Variants in UNC5C observed in about 807,000 individuals in gnomAD.
UNC5C encodes netrin receptor UNC5C.
In UNC5C, 47 loss-of-function variants were observed where a neutral mutation model predicts 99.8. The ratio of observed to expected loss-of-function variants is 0.47; its 90% CI spans 0.37 to 0.60. UNC5C has a LOEUF of 0.60. Ranked by LOEUF, UNC5C falls within the 20% of genes least tolerant of loss-of-function variation. The pLI is 0.00. For synonymous variants in UNC5C, 487 were observed against 452.2 expected (o/e 1.08, Z -0.98); for missense variants, 1,062 against 1,165.9 (o/e 0.91, Z 1.30).
At chr4:95,260,366 G>T (rs1740175223) in intron 4 of UNC5C, among the ~76,000 whole-genome samples, 1 of 152,124 alleles carries the variant, frequency 6.6e-6, no homozygotes, top group South Asian at 2.1e-4. Flanking sequence ...ACAGTTCTGA[G>T]CCCATTCTCC....
At chr4:95,530,458 A>G (rs112705269) in intron 1 of UNC5C, among the ~76,000 whole-genome samples, 156 of 152,326 alleles carry the variant, frequency 1.0e-3, no homozygotes, top group African/African-American at 3.6e-3. Context: ...TTGGAAAAGA[A>G]AGAAAAATAA....
chr4:95,453,100 T>C (rs1385570274), intron 1 of UNC5C, among the ~76,000 whole-genome samples: 4 of 152,158 alleles, frequency 2.6e-5, no homozygotes, highest in Admixed American at 1.3e-4. Flanking sequence ...CCATAGGCCG[T>C]CATCTAACTA....
chr4:95,547,435 T>C (rs1268141081), intron 1 of UNC5C, among the ~76,000 whole-genome samples: 1 of 152,048 alleles, frequency 6.6e-6, no homozygotes, highest in Non-Finnish European at 1.5e-5. Context: ...GGGAATGCTG[T>C]CCGGAAACCC....
intron 1 of UNC5C, among the ~76,000 whole-genome samples, chr4:95,401,660 G>C (rs1379248948): frequency 1.3e-5 from 2 of 152,142 alleles, no homozygotes; most frequent in East Asian, 3.8e-4. Context: ...TATATGTTCA[G>C]CGCCTCTTCG....
intron 1 of UNC5C, among the ~76,000 whole-genome samples, chr4:95,489,324 C>G (rs557955568): frequency 6.6e-6 from 1 of 151,640 alleles, no homozygotes; most frequent in South Asian, 2.1e-4. Context: ...TTTTAAGGAA[C>G]AGAATTAAGG....
chr4:95,321,197 C>T (rs946215099), intron 2 of UNC5C, among the ~76,000 whole-genome samples: 2 of 152,012 alleles, frequency 1.3e-5, no homozygotes, highest in Non-Finnish European at 2.9e-5. Flanking sequence ...AGGATATAGT[C>T]GGGGTGCTCT....
intron 12 of UNC5C, among the ~76,000 whole-genome samples, chr4:95,192,159 CCTT>C (rs1390030268): frequency 7.0e-6 from 1 of 143,616 alleles, no homozygotes; most frequent in Non-Finnish European, 1.5e-5. Flanking sequence ...CTTCTGCTCA[CCTT>C]CTTCCCCTGC....
At chr4:95,358,353 T>A (rs550937489) in intron 1 of UNC5C, among the ~76,000 whole-genome samples, 2 of 152,286 alleles carry the variant, frequency 1.3e-5, no homozygotes, top group East Asian at 3.9e-4. Flanking sequence ...TGAGAGAAAA[T>A]GTTCATTATA....
At chr4:95,531,404 T>A (rs1483859352) in intron 1 of UNC5C, among the ~76,000 whole-genome samples, 1 of 152,236 alleles carries the variant, frequency 6.6e-6, no homozygotes, top group East Asian at 1.9e-4. Context: ...TGCACAGCTC[T>A]CTGCGGTAAT....
intron 1 of UNC5C, among the ~76,000 whole-genome samples, chr4:95,349,191 G>T (rs891470996): frequency 1.3e-5 from 2 of 151,122 alleles, no homozygotes; most frequent in Admixed American, 6.6e-5. Flanking sequence ...TTACCTTGAT[G>T]TAATTATTTT....
intron 14 of UNC5C, among the ~76,000 whole-genome samples, chr4:95,178,878 G>A (rs1407765327): frequency 6.6e-6 from 1 of 152,120 alleles, no homozygotes; most frequent in East Asian, 1.9e-4. Context: ...AAGCTCAATA[G>A]GGCATCATTT....
intron 1 of UNC5C, among the ~76,000 whole-genome samples, chr4:95,475,227 G>A (rs1748105714): frequency 1.3e-5 from 2 of 152,024 alleles, no homozygotes; most frequent in Admixed American, 1.3e-4. Flanking sequence ...TGACTAAGAT[G>A]ATGAAAACCA....
At chr4:95,546,476 C>T (rs1229664232) in intron 1 of UNC5C, among the ~76,000 whole-genome samples, 1 of 152,076 alleles carries the variant, frequency 6.6e-6, no homozygotes, top group Non-Finnish European at 1.5e-5. Flanking sequence ...AGCTGCTATC[C>T]CTGGAACATG....
chr4:95,203,212 C>A (rs1180965755), intron 11 of UNC5C, among the ~76,000 whole-genome samples: 1 of 152,110 alleles, frequency 6.6e-6, no homozygotes, highest in Non-Finnish European at 1.5e-5. Context: ...TACATTTTCC[C>A]TAAAAATCTG....
intron 1 of UNC5C, among the ~76,000 whole-genome samples, chr4:95,417,673 G>A (rs1578151486): frequency 6.6e-6 from 1 of 152,150 alleles, no homozygotes; most frequent in Non-Finnish European, 1.5e-5. Flanking sequence ...AGCCAAGGCA[G>A]GAAGGAACGG....
chr4:95,294,716 C>G (rs1169728503), intron 3 of UNC5C, among the ~76,000 whole-genome samples: 1 of 152,132 alleles, frequency 6.6e-6, no homozygotes, highest in Admixed American at 6.5e-5. Context: ...GAAAGACAGA[C>G]TTTTCAGTTT....
At chr4:95,177,314 C>G (rs1008304389) in intron 14 of UNC5C, among the ~76,000 whole-genome samples, 1 of 152,194 alleles carries the variant, frequency 6.6e-6, no homozygotes, top group Non-Finnish European at 1.5e-5. Context: ...AGAGGATGAA[C>G]TAACTGGCCA....
chr4:95,165,416 C>T lies in UNC5C; in HGVS notation c.*3818G>A, dbSNP rs1735823363. 1 of 152,186 alleles carries T rather than the reference C, an allele frequency of 6.6e-6. No homozygotes were observed. The highest frequency in any genetic ancestry group is 1.5e-5 in the Non-Finnish European group (1 of 68,036). 9.4% of individuals were successfully genotyped at this position (152,186 alleles called of 1,614,324 possible). ...CTCACAGCAGGATGGGGGTTTTCTG[C>T]ATAGCAGAGGTGACTGTTCATTTGG... On this transcript the variant is annotated 3_prime_UTR_variant, in exon 16 of 16. Coordinates refer to ENST00000453304, the MANE Select transcript of UNC5C (RefSeq NM_003728.4).
rs539849994 is a variant in UNC5C, at chr4:95,501,523, T to C, written c.124+47211A>G. ...AAGGTCATTTTCAACCTAACAAATATGAATATTGTTACATGCTAATGAGTG... is the reference window on the plus strand; with the variant it reads ...AAGGTCATTTTCAACCTAACAAATACGAATATTGTTACATGCTAATGAGTG... On this transcript the variant is annotated intron_variant, in intron 1 of 15. Coordinates refer to ENST00000453304, the MANE Select transcript of UNC5C (RefSeq NM_003728.4). 2.4e-4 allele frequency among the ~76,000 whole-genome samples: 36 copies of C among 152,306 alleles called. No homozygotes were observed. The South Asian group carries it at 6.6e-3, about 28-fold the overall frequency.
Sources: allele counts gnomAD v4.1 joint callset (sites outside exome capture counted in the v4.1 genomes callset), GRCh38; gene constraint gnomAD v4.1.1; transcripts MANE v1.5; gene names NCBI Gene and HGNC (gene_info 2026-07-23, HGNC 2026-07-21).